Variants in BICDL1 observed in about 807,000 individuals in gnomAD.
The protein encoded by BICDL1 is BICD family-like cargo adapter 1.
A neutral mutation model predicts 76.8 loss-of-function variants in BICDL1; 20 were observed. That is an observed-to-expected ratio of 0.26 (90% CI 0.18 to 0.38). The LOEUF is 0.38. Ranked by LOEUF, BICDL1 falls within the 10% of genes least tolerant of loss-of-function variation. BICDL1 has a pLI of 1.00. For synonymous variants in BICDL1, 383 were observed against 337.1 expected (o/e 1.14, Z -1.49); for missense variants, 700 against 798.6 (o/e 0.88, Z 1.49).
At chr12:120,025,083 T>C (rs189679955) in intron 2 of BICDL1, among the ~76,000 whole-genome samples, 1 of 150,844 alleles carries the variant, frequency 6.6e-6, no homozygotes, top group African/African-American at 2.4e-5. Context: ...GAGGAGTCTT[T>C]CTGTCACCCA....
Position 119,989,941 on chromosome 12 carries a change from G to C in BICDL1, c.73G>C (p.Glu25Gln). ...CGAGCCGGACAGCGCCTGCTGCATG[G>C]AGCTGCCCGCCGCGGCCGGGGACGC... Reference protein sequence around the residue: ...PAEPDSACCMELPAAAGDAVR... With the variant: ...PAEPDSACCMQLPAAAGDAVR... The change falls in exon 1 of 10, where the codon GAG (glutamate) becomes CAG (glutamine). Residue 25 changes from glutamate to glutamine, a missense_variant. Physicochemically the swap from Glu to Gln is conservative, Grantham distance 29. Around this residue, in one of 3 missense-constraint regions of BICDL1, gnomAD observed 225 missense variants for 199.6 expected, o/e 1.13. Coordinates refer to ENST00000548673, the MANE Select transcript of BICDL1 (RefSeq NM_001367886.1). The C allele has an allele frequency of 6.8e-6, 10 of 1,469,556 alleles. No homozygotes were observed. The highest frequency in any genetic ancestry group is 8.9e-6 in the Non-Finnish European group (10 of 1,124,934). 91.0% of individuals were successfully genotyped at this position (1,469,556 alleles called of 1,614,324 possible).
At position 119,990,156 on chromosome 12, in the gene BICDL1, C is replaced by G. The variant is rs1209423776; in HGVS notation, c.288C>G (p.Asp96Glu). 1.9e-6 allele frequency: 3 copies of G among 1,551,574 alleles called. No individual in the cohort carries two copies. Among genetic ancestry groups the G allele is most frequent in the Non-Finnish European group, 2.6e-6 (3 of 1,147,634 alleles). The change falls in exon 1 of 10, where the codon GAC (aspartate) becomes GAG (glutamate). Residue 96 changes from aspartate (D) to glutamate (E), a missense_variant. Physicochemically the swap from Asp to Glu is conservative, Grantham distance 45. Transcript: ENST00000548673. ...GAGPQPPPSQ[D>E]PELLSVIRQK... ...GACCGCAGCCGCCGCCCTCCCAGGA[C>G]CCCGAGCTGCTGTCGGTGATCCGAC...
At chr12:120,019,561 C>T (rs1469587112) in intron 2 of BICDL1, among the ~76,000 whole-genome samples, 1 of 152,050 alleles carries the variant, frequency 6.6e-6, no homozygotes, top group Non-Finnish European at 1.5e-5. Context: ...AGAGATGTGG[C>T]ATTACATCAT....
intron 8 of BICDL1, among the ~76,000 whole-genome samples, chr12:120,088,449 C>G (rs1287279819): frequency 6.6e-6 from 1 of 151,984 alleles, no homozygotes; most frequent in Non-Finnish European, 1.5e-5. Flanking sequence ...CTCCACCTCC[C>G]AGGTTCAAGC....
intron 6 of BICDL1, among the ~76,000 whole-genome samples, chr12:120,073,857 C>T (rs1272376000): frequency 6.6e-6 from 1 of 152,180 alleles, no homozygotes; most frequent in Non-Finnish European, 1.5e-5. Context: ...TTCCTTTCCC[C>T]CAAGCCTGAA....
chr12:119,993,530 A>G (rs902441792), intron 1 of BICDL1: 2 of 152,148 alleles, frequency 1.3e-5, no homozygotes, highest in Non-Finnish European at 1.5e-5. Context: ...TTAATTGGAA[A>G]AACTGTAAGG....
At chr12:120,019,371 C>G (rs1005641795) in intron 2 of BICDL1, 1 of 152,040 alleles carries the variant, frequency 6.6e-6, no homozygotes, top group Non-Finnish European at 1.5e-5. Flanking sequence ...CATCTGGTGT[C>G]TCATCACCTG....
chr12:120,031,954 G>A (rs1165629373), intron 2 of BICDL1, among the ~76,000 whole-genome samples: 1 of 152,130 alleles, frequency 6.6e-6, no homozygotes. Context: ...GCCGGGCATG[G>A]TGGTGTGCAC....
chr12:120,047,854 T>G (rs1952778804), intron 2 of BICDL1, among the ~76,000 whole-genome samples: 1 of 152,226 alleles, frequency 6.6e-6, no homozygotes, highest in South Asian at 2.1e-4. Flanking sequence ...TATTCTGTGC[T>G]TTATATTGGC....
At chr12:120,008,571 T>C (rs1951894756) in intron 2 of BICDL1, among the ~76,000 whole-genome samples, 1 of 152,228 alleles carries the variant, frequency 6.6e-6, no homozygotes, top group South Asian at 2.1e-4. Flanking sequence ...GATTGGCTTT[T>C]TGTAAATCTT....
At chr12:119,999,783 A>G (rs1253100406) in intron 2 of BICDL1, 4 of 445,584 alleles carry the variant, frequency 9.0e-6, no homozygotes, top group Non-Finnish European at 1.8e-5. Flanking sequence ...TGGATTTACT[A>G]TTCTACCTCA....
chr12:120,073,958 T>C (rs923598112), intron 6 of BICDL1, among the ~76,000 whole-genome samples: 2 of 152,196 alleles, frequency 1.3e-5, no homozygotes, highest in African/African-American at 2.4e-5. Flanking sequence ...CTCGCTCTGT[T>C]GCCCAGGCTG....
At position 120,059,526 on chromosome 12, in the gene BICDL1, G is replaced by A. The variant is rs139430009; in HGVS notation, c.646-2184G>A. ...CCTGACCTTGTGATCCGCCCACCTC[G>A]GCCTCTCAAAGTGTTGGGATTACAG... is the stretch of plus-strand genomic sequence containing the variant. On this transcript the variant is annotated intron_variant, in intron 2 of 9. Transcript: ENST00000548673. Among the ~76,000 whole-genome samples, 550 of 151,480 alleles carry A rather than the reference G, an allele frequency of 3.6e-3. 3 individuals are homozygous for A. Among genetic ancestry groups the A allele is most frequent in the African/African-American group, 0.013 (532 of 41,294 alleles).
chr12:120,020,523 AC>A (rs962849262), intron 2 of BICDL1, among the ~76,000 whole-genome samples: 8 of 152,196 alleles, frequency 5.3e-5, no homozygotes, highest in Admixed American at 3.9e-4. Context: ...TCCAGGAGCA[AC>A]CTTTTTTTTT....
At chr12:120,072,395 T>A in intron 5 of BICDL1, 116 bp from the exon 6 acceptor site, 1 of 919,818 alleles carries the variant, frequency 1.1e-6, no homozygotes, top group Non-Finnish European at 1.7e-6. Context: ...CAAAAAACCC[T>A]TTCTTCTAGA....
intron 2 of BICDL1, among the ~76,000 whole-genome samples, chr12:120,018,694 TA>T (rs35287713): frequency 0.022 from 3,257 of 150,126 alleles, 132 homozygotes; most frequent in African/African-American, 0.076. Flanking sequence ...GGAATTGTTA[TA>T]AAAAAAAAAT....
chr12:120,039,228 C>T (rs1268156177), intron 2 of BICDL1, among the ~76,000 whole-genome samples: 4 of 151,952 alleles, frequency 2.6e-5, no homozygotes, highest in Non-Finnish European at 5.9e-5. Context: ...ACCTGGGAGG[C>T]GGAGGTTGCA....
At chr12:120,078,941 TGGCCTACCA>T (rs966675992) in intron 7 of BICDL1, among the ~76,000 whole-genome samples, 1 of 152,252 alleles carries the variant, frequency 6.6e-6, no homozygotes, top group African/African-American at 2.4e-5. Flanking sequence ...TCTTGAGTCC[TGGCCTACCA>T]GGCTGCAGAG....
At chr12:120,011,348 A>G (rs1282018178) in intron 2 of BICDL1, among the ~76,000 whole-genome samples, 4 of 152,224 alleles carry the variant, frequency 2.6e-5, no homozygotes, top group Non-Finnish European at 4.4e-5. Flanking sequence ...TTGGTGAACA[A>G]CTAGCCAGTG....
Sources: allele counts gnomAD v4.1 joint callset (sites outside exome capture counted in the v4.1 genomes callset), GRCh38; gene constraint gnomAD v4.1.1; regional missense constraint gnomAD v4.1.1; transcripts MANE v1.5; gene names NCBI Gene and HGNC (gene_info 2026-07-23, HGNC 2026-07-21).